The following TARS3 variants were observed in gnomAD, a reference collection of about 807,000 sequenced individuals.
TARS3 encodes threonyl-tRNA synthetase 3.
In TARS3, 94 loss-of-function variants were observed where a neutral mutation model predicts 103.5. The observed-to-expected ratio is 0.91, with a 90% CI of 0.77 to 1.08. The LOEUF (loss-of-function observed/expected upper bound fraction) is 1.08. TARS3 is among the 50% of genes least tolerant of loss of function. The pLI is 0.00. For synonymous variants in TARS3, 416 were observed against 355.4 expected, an observed-to-expected ratio of 1.17 and a Z score of -1.92; for missense variants, 952 against 995.2, an observed-to-expected ratio of 0.96 and a Z score of 0.58.
At chr15:101,716,855 A>ATTTT (rs34234379) in intron 3 of TARS3, among the ~76,000 whole-genome samples, 3 of 131,656 alleles carry the variant, frequency 2.3e-5, no homozygotes, top group African/African-American at 5.7e-5. Context: ...CTACAATGTA[A>ATTTT]TTTTTTTTTT....
chr15:101,677,953 A>G (rs1368192105), intron 12 of TARS3, among the ~76,000 whole-genome samples: 2 of 149,308 alleles, frequency 1.3e-5, no homozygotes, highest in African/African-American at 2.5e-5. Context: ...TTTAATTGGC[A>G]TATCATGGGA....
At chr15:101,722,679 C>G (rs540040084) in intron 2 of TARS3, among the ~76,000 whole-genome samples, 1 of 140,946 alleles carries the variant, frequency 7.1e-6, no homozygotes, top group African/African-American at 2.6e-5. Context: ...ATTAGCCGGG[C>G]TTGGTGGCAT....
At position 101,721,620 on chromosome 15, in the gene TARS3, G is replaced by A. The variant is rs148843378; in HGVS notation, c.370-298C>T. ...AGCGATTTTCCTGCCTCGGCCACCC[G>A]AGTAGCTGGGATTACAGGCACGCAC... is the stretch of plus-strand genomic sequence containing the variant. On this transcript the variant is annotated intron_variant, in intron 2 of 18. Coordinates refer to ENST00000335968, the MANE Select transcript of TARS3 (RefSeq NM_152334.3). Among the ~76,000 whole-genome samples, 60 of 152,272 alleles carry A rather than the reference G, an allele frequency of 3.9e-4. 1 individual carries two copies. The highest frequency in any genetic ancestry group is 1.3e-3 in the African/African-American group (54 of 41,546).
intron 15 of TARS3, 65 bp downstream of exon 15, chr15:101,671,421 T>C (rs1897797229): frequency 8.2e-7 from 1 of 1,213,206 alleles, no homozygotes; most frequent in Non-Finnish European, 1.2e-6. Context: ...TTTGCATTGC[T>C]AATACTCAAA....
chr15:101,657,060 A>C, intron 17 of TARS3, 24 bp from the exon 18 acceptor site: 1 of 1,463,434 alleles, frequency 6.8e-7, no homozygotes, highest in Non-Finnish European at 9.6e-7. Flanking sequence ...AAACACCTTT[A>C]CTGTTACATT....
In TARS3 at chr15:101,711,926, G is replaced by C. The variant is rs773766053; in HGVS notation, c.766C>G (p.Pro256Ala). ...LYYGGHLCYG[P>A]PIENGFYYDM... is the part of the protein sequence containing the mutation. Reference sequence around the variant, plus strand: ...TAATAAAATCCATTTTCAATGGGCGGACCGTAGCACAGGTGGCCTCCATAG... The same window carrying C: ...TAATAAAATCCATTTTCAATGGGCGCACCGTAGCACAGGTGGCCTCCATAG... The change falls in exon 5 of 19, where the codon CCG becomes GCG. Residue 256 changes from proline (P) to alanine (A), a missense_variant. Pro to Ala is a conservative substitution (Grantham distance 27). Around this residue, in one of 2 missense-constraint regions of TARS3, gnomAD observed 412 missense variants for 364.2 expected, o/e 1.13. Coordinates refer to ENST00000335968, the MANE Select transcript of TARS3 (RefSeq NM_152334.3). 3.1e-6 allele frequency: 5 copies of C among 1,613,902 alleles called. No individual in the cohort carries two copies. The Admixed American group carries it at 5.0e-5, about 16-fold the overall frequency.
At chr15:101,705,643 G>A (rs1899517473) in intron 7 of TARS3, 40 bp downstream of exon 7, 1 of 1,577,618 alleles carries the variant, frequency 6.3e-7, no homozygotes, top group Non-Finnish European at 8.7e-7. Flanking sequence ...ACACCTTCAA[G>A]TTTACCACTG....
In TARS3 at chr15:101,656,966, T is replaced by G; in HGVS notation, c.2216A>C (p.Lys739Thr). The G allele has an allele frequency of 6.2e-7, 1 of 1,613,704 alleles. No homozygotes were observed. Among genetic ancestry groups the G allele is most frequent in the Non-Finnish European group, 8.5e-7 (1 of 1,179,712 alleles). ...VDLDHSCTLN[K>T]KIRNAQLAQY... is the part of the protein sequence containing the mutation. The stretch of plus-strand genomic sequence containing the variant: ...AGCCAGCTGTGCATTTCGTATTTTC[T>G]TATTTAGTGTACAACTGTGATCCAA... Residue 739 changes from lysine (K) to threonine (T), a missense_variant, in exon 18 of 19, where the codon AAG becomes ACG. Lys to Thr is a moderately conservative substitution (Grantham distance 78, BLOSUM62 -1). Around this residue, in one of 2 missense-constraint regions of TARS3, gnomAD observed 540 missense variants for 631.0 expected, o/e 0.86. Coordinates refer to ENST00000335968, the MANE Select transcript of TARS3 (RefSeq NM_152334.3).
intron 10 of TARS3, chr15:101,699,283 A>G (rs1409664756): frequency 8.1e-6 from 3 of 371,110 alleles, no homozygotes; most frequent in Admixed American, 3.5e-5. Context: ...TGTCTGTCAA[A>G]TATTCCCATT....
At chr15:101,712,344 T>C (rs1191715077) in intron 4 of TARS3, among the ~76,000 whole-genome samples, 1 of 152,172 alleles carries the variant, frequency 6.6e-6, no homozygotes, top group African/African-American at 2.4e-5. Flanking sequence ...CAAACCTGAT[T>C]GAAGCCCAGA....
intron 5 of TARS3, among the ~76,000 whole-genome samples, chr15:101,710,487 C>T (rs1298141674): frequency 2.0e-5 from 3 of 152,164 alleles, no homozygotes; most frequent in Admixed American, 1.3e-4. Flanking sequence ...AGCCCTTGAC[C>T]TGGGGAATCT....
chr15:101,699,267 C>T (rs1000318406), intron 10 of TARS3: 3 of 341,036 alleles, frequency 8.8e-6, no homozygotes, highest in Non-Finnish European at 1.2e-5. Flanking sequence ...TTCTCAGTGT[C>T]GCCTGTGTCT....
intron 15 of TARS3, among the ~76,000 whole-genome samples, chr15:101,668,244 T>C (rs181675349): frequency 9.2e-5 from 14 of 152,336 alleles, no homozygotes; most frequent in Admixed American, 5.9e-4. Context: ...GGTGAGAGAC[T>C]TATGACTCTT....
intron 5 of TARS3, among the ~76,000 whole-genome samples, chr15:101,711,587 T>A (rs1395736671): frequency 6.6e-6 from 1 of 152,222 alleles, no homozygotes; most frequent in Non-Finnish European, 1.5e-5. Flanking sequence ...TTTCTTAACA[T>A]CTCTTTTCTC....
intron 15 of TARS3, among the ~76,000 whole-genome samples, chr15:101,662,403 AC>A: frequency 6.6e-6 from 1 of 152,364 alleles, no homozygotes; most frequent in South Asian, 2.1e-4. Context: ...TGCGACACTT[AC>A]AAAGTTCTTT....
At position 101,653,681 on chromosome 15, in the gene TARS3, A is replaced by G. The variant is rs1290311970; in HGVS notation, c.*901T>C. 2.0e-5 allele frequency: 3 copies of G among 151,420 alleles called. No homozygotes were observed. The highest frequency in any genetic ancestry group is 4.4e-5 in the Non-Finnish European group (3 of 68,042). The allele number at this position is 151,420 out of a possible 1,614,324, so 9.4% of individuals were successfully genotyped here. A position where few individuals can be genotyped will look rare whatever the true frequency, so the allele number is the denominator to read the frequency against. ...ACTAAATGATCAGTATATTGAAAAG[A>G]GATTATTTCTTACATTTCTTTTGAA... On this transcript the variant is annotated 3_prime_UTR_variant, in exon 19 of 19. Coordinates refer to ENST00000335968, the MANE Select transcript of TARS3 (RefSeq NM_152334.3).
chr15:101,724,066 T>C, intron 1 of TARS3, 25 bp downstream of exon 1: 1 of 1,347,438 alleles, frequency 7.4e-7, no homozygotes, highest in Non-Finnish European at 9.5e-7. Flanking sequence ...CCGCGTCCTC[T>C]CCAGTGTCCC....
intron 5 of TARS3, 79 bp downstream of exon 5, chr15:101,711,801 T>C: frequency 1.3e-6 from 2 of 1,526,440 alleles, no homozygotes; most frequent in Admixed American, 3.7e-5. Context: ...CAGTATACAG[T>C]TACTAGGCTA....
chr15:101,655,887 C>A, intron 18 of TARS3: 1 of 1,288,212 alleles, frequency 7.8e-7, no homozygotes, highest in South Asian at 1.2e-5. Context: ...AAGGAGTGGA[C>A]ACCAGACCCA....
Sources: gnomAD v4.1 joint callset for allele counts (sites outside exome capture counted in the v4.1 genomes callset) on GRCh38, gnomAD v4.1.1 for gene constraint, gnomAD v4.1.1 regional missense constraint, MANE v1.5 for transcripts, NCBI Gene and HGNC (gene_info 2026-07-23, HGNC 2026-07-21) for gene names.